The following TMEM140 variants were observed in gnomAD, a reference collection of about 807,000 sequenced individuals.
The protein encoded by TMEM140 is transmembrane protein 140.
For missense variants in TMEM140, 236 were observed against 228.5 expected (o/e 1.03, Z -0.21); for synonymous variants, 107 against 106.8 (o/e 1.00, Z -0.01).
In TMEM140 at chr7:135,161,900, C is replaced by T. The variant is rs1224381312; in HGVS notation, c.-24-2518C>T. Among the ~76,000 whole-genome samples the T allele has an allele frequency of 6.6e-6, 1 of 152,220 alleles. No homozygotes were observed. The highest frequency in any genetic ancestry group is 1.9e-4 in the East Asian group (1 of 5,184). ...GAAGCCACGGGCAGAACTGGGCAGA[C>T]TGCCCAGTGCTGCTGAGTCCAGAGA... On this transcript the variant is annotated intron_variant, in intron 1 of 1. Transcript: ENST00000275767. The surrounding 1 kb of genome is among the most constrained non-coding windows in gnomAD (Gnocchi z 4.1).
At chr7:135,154,833 G>C (rs1017908874) in intron 1 of TMEM140, among the ~76,000 whole-genome samples, 8 of 152,112 alleles carry the variant, frequency 5.3e-5, no homozygotes, top group Admixed American at 6.5e-5. Flanking sequence ...GTAGTTGTTG[G>C]GTAGAATGTT....
intron 1 of TMEM140, among the ~76,000 whole-genome samples, chr7:135,152,086 C>A (rs1829678075): frequency 6.6e-6 from 1 of 152,188 alleles, no homozygotes; most frequent in Admixed American, 6.5e-5. Flanking sequence ...TTCTAAATGC[C>A]ATGCACAAAT....
intron 1 of TMEM140, among the ~76,000 whole-genome samples, chr7:135,164,121 G>A (rs903448447): frequency 2.0e-5 from 3 of 152,200 alleles, no homozygotes; most frequent in Non-Finnish European, 4.4e-5. Context: ...GTTGTATTTG[G>A]ACTGGAGCAA....
At chr7:135,156,901 C>T (rs1198948830) in intron 1 of TMEM140, among the ~76,000 whole-genome samples, 3 of 152,156 alleles carry the variant, frequency 2.0e-5, no homozygotes, top group African/African-American at 4.8e-5. Flanking sequence ...ATGCTATTCT[C>T]GTGATAGTGA....
chr7:135,158,295 A>G (rs1829844647), intron 1 of TMEM140, among the ~76,000 whole-genome samples: 1 of 152,244 alleles, frequency 6.6e-6, no homozygotes, highest in Non-Finnish European at 1.5e-5. Flanking sequence ...TGTGCATAGG[A>G]CAGCCTGATT....
chr7:135,164,724 C>T lies in TMEM140; in HGVS notation c.283C>T (p.Leu95Phe), dbSNP rs1585362600. Residue 95 changes from leucine to phenylalanine, a missense_variant, in exon 2 of 2, where the codon CTC (leucine) becomes TTC (phenylalanine). By Grantham distance (22) the Leu-to-Phe change is conservative (BLOSUM62 0). Transcript: ENST00000275767. The part of the protein sequence containing the change: ...LGVYGSLVLT[L>F]FAPQPLLLAQ... Reference sequence around the variant, plus strand: ...CGTGTACGGGTCCCTGGTCCTCACCCTCTTTGCCCCCCAGCCTCTCCTCCT... The same window carrying T: ...CGTGTACGGGTCCCTGGTCCTCACCTTCTTTGCCCCCCAGCCTCTCCTCCT... 1 of 1,614,130 alleles carries T rather than the reference C, an allele frequency of 6.2e-7. No homozygotes were observed.
Position 135,151,082 on chromosome 7 carries a change from T to A in TMEM140, c.-25+2812T>A, listed in dbSNP as rs540607295. On this transcript the variant is annotated intron_variant, in intron 1 of 1. Transcript: ENST00000275767. This position sits in a 1 kb window ranked among gnomAD's most constrained non-coding sequence, Gnocchi z 4.3. ...GGGTGCCTGGACTCATGCTTCTGACTTTATGTTATAATCTCATGGTATAGT... is the reference window on the plus strand; with the variant it reads ...GGGTGCCTGGACTCATGCTTCTGACATTATGTTATAATCTCATGGTATAGT... Among the ~76,000 whole-genome samples, 8 of 152,346 alleles carry A rather than the reference T, an allele frequency of 5.3e-5. No homozygotes were observed. Among genetic ancestry groups the A allele is most frequent in the South Asian group, 4.1e-4 (2 of 4,828 alleles).
At chr7:135,149,060 G>C (rs1392913060) in intron 1 of TMEM140, among the ~76,000 whole-genome samples, 2 of 152,012 alleles carry the variant, frequency 1.3e-5, no homozygotes, top group Non-Finnish European at 2.9e-5. Context: ...AAAATCTCAG[G>C]TCTGAGACTC....
rs926402398 is a variant in TMEM140, at chr7:135,164,784, C to G, written c.343C>G (p.Leu115Val). Residue 115 changes from leucine to valine, a missense_variant, in exon 2 of 2, where the codon CTG becomes GTG. Physicochemically the swap from Leu to Val is conservative, Grantham distance 32. Coordinates refer to ENST00000275767, the MANE Select transcript of TMEM140 (RefSeq NM_018295.5). ...QCNSDERAWRLAVGFLAVSSV... is the reference protein window; with the variant it reads ...QCNSDERAWRVAVGFLAVSSV... ...CAACAGTGATGAGAGAGCGTGGCGG[C>G]TGGCAGTGGGCTTCCTGGCTGTGTC... The G allele has an allele frequency of 1.2e-6, 2 of 1,614,080 alleles. No homozygotes were observed. Among genetic ancestry groups the G allele is most frequent in the Non-Finnish European group, 1.7e-6 (2 of 1,180,016 alleles).
chr7:135,158,814 C>T (rs1295122988), intron 1 of TMEM140, among the ~76,000 whole-genome samples: 1 of 152,200 alleles, frequency 6.6e-6, no homozygotes, highest in Non-Finnish European at 1.5e-5. Flanking sequence ...CCGTCTCCCT[C>T]CTTGAAGCAG....
intron 1 of TMEM140, among the ~76,000 whole-genome samples, chr7:135,152,665 A>G (rs556170845): frequency 6.6e-6 from 1 of 152,294 alleles, no homozygotes; most frequent in East Asian, 1.9e-4. Context: ...CTTCTCAGAC[A>G]CCTTCCACTG....
Position 135,164,850 on chromosome 7 carries a change from T to A in TMEM140, c.409T>A (p.Tyr137Asn). The A allele has an allele frequency of 1.9e-6, 3 of 1,613,974 alleles. No homozygotes were observed. Among genetic ancestry groups the A allele is most frequent in the Non-Finnish European group, 2.5e-6 (3 of 1,179,870 alleles). Residue 137 changes from tyrosine (Y) to asparagine (N), a missense_variant, in exon 2 of 2, where the codon TAT becomes AAT. Coordinates refer to ENST00000275767, the MANE Select transcript of TMEM140 (RefSeq NM_018295.5). ...LAGGLGLFLSYVWKWVRLSLP... is the reference protein window; with the variant it reads ...LAGGLGLFLSNVWKWVRLSLP... The stretch of plus-strand genomic sequence containing the variant: ...AGGCGGCCTGGGCCTCTTCCTCTCC[T>A]ATGTGTGGAAGTGGGTCAGGCTCTC...
chr7:135,150,173 T>C (rs983297073), intron 1 of TMEM140, among the ~76,000 whole-genome samples: 3 of 152,196 alleles, frequency 2.0e-5, no homozygotes, highest in Admixed American at 1.3e-4. Context: ...GGACCTAAAA[T>C]AGTTTTGTTT....
chr7:135,157,393 A>T (rs140973294), intron 1 of TMEM140, among the ~76,000 whole-genome samples: 1 of 152,218 alleles, frequency 6.6e-6, no homozygotes, highest in Admixed American at 6.5e-5. Context: ...GCTGAGACTA[A>T]GTCCCCAGAA....
In TMEM140 at chr7:135,165,023, CA is replaced by C; in HGVS notation, c.*25del. 1 of 1,541,164 alleles carries C rather than the reference CA, an allele frequency of 6.5e-7. No individual in the cohort carries two copies. Among genetic ancestry groups the C allele is most frequent in the African/African-American group, 1.4e-5 (1 of 72,506 alleles). ...AAAGGCTTACGTGATTGCAAGGGTT[CA>C]GTTCCAACCATGGTCAGAGGTGGCA... On this transcript the variant is annotated 3_prime_UTR_variant, in exon 2 of 2. Coordinates refer to ENST00000275767, the MANE Select transcript of TMEM140 (RefSeq NM_018295.5).
At chr7:135,152,532 T>A (rs570316793) in intron 1 of TMEM140, among the ~76,000 whole-genome samples, 35 of 152,378 alleles carry the variant, frequency 2.3e-4, no homozygotes, top group Non-Finnish European at 3.4e-4. Context: ...CCTACATGGT[T>A]GTAAGAAATT....
Position 135,165,172 on chromosome 7 carries a change from C to A in TMEM140, c.*173C>A. 1 of 659,632 alleles carries A rather than the reference C, an allele frequency of 1.5e-6. No individual in the cohort carries two copies. Among genetic ancestry groups the A allele is most frequent in the African/African-American group, 1.8e-5 (1 of 55,028 alleles). The allele number at this position is 659,632 out of a possible 1,614,324, so 40.9% of individuals were successfully genotyped here. On this transcript the variant is annotated 3_prime_UTR_variant, in exon 2 of 2. Coordinates refer to ENST00000275767, the MANE Select transcript of TMEM140 (RefSeq NM_018295.5). The stretch of plus-strand genomic sequence containing the variant: ...CGAGGGGCAGCAAGGGCAGCCAGGG[C>A]ACCTGTGACTTCTTAGTACAAGATT...
rs980589592 is a variant in TMEM140 at position 135,148,099 on chromosome 7, G to C, written c.-196G>C. On this transcript the variant is annotated 5_prime_UTR_variant, in exon 1 of 2. Coordinates refer to ENST00000275767, the MANE Select transcript of TMEM140 (RefSeq NM_018295.5). ...AGAGCTGTTTACTAGGCACGACTGC[G>C]AAGGCAAGGGGGCACCAGCTCAGGA... 4.4e-6 allele frequency: 2 copies of C among 456,004 alleles called. No individual in the cohort carries two copies. The highest frequency in any genetic ancestry group is 8.8e-6 in the Non-Finnish European group (2 of 226,938). 28.2% of individuals were successfully genotyped at this position (456,004 alleles called of 1,614,324 possible). A position where few individuals can be genotyped will look rare whatever the true frequency, so the allele number is the denominator to read the frequency against.
intron 1 of TMEM140, among the ~76,000 whole-genome samples, chr7:135,152,155 C>T (rs191744098): frequency 5.9e-4 from 90 of 152,342 alleles, no homozygotes; most frequent in African/African-American, 2.0e-3. Flanking sequence ...AGCCATTTTA[C>T]AGATGAAAAA....
Sources: gnomAD v4.1 joint callset for allele counts (sites outside exome capture counted in the v4.1 genomes callset) on GRCh38, gnomAD v4.1.1 for gene constraint, Gnocchi (gnomAD v3.1) non-coding constraint, MANE v1.5 for transcripts, NCBI Gene and HGNC (gene_info 2026-07-23, HGNC 2026-07-21) for gene names.